RBFOX1: variants seen among roughly 807,000 people sequenced by gnomAD.
The protein encoded by RBFOX1 is RNA binding protein fox-1 homolog 1.
A neutral mutation model predicts 57.7 loss-of-function variants in RBFOX1; 8 were observed. The observed-to-expected ratio is 0.14, with a 90% CI of 0.08 to 0.25. The LOEUF is 0.25. RBFOX1 is among the 10% of genes least tolerant of loss of function. RBFOX1 has a pLI of 1.00. For missense variants in RBFOX1, 611 were observed against 548.5 expected (o/e 1.11, Z -1.14); for synonymous variants, 326 against 222.4 (o/e 1.47, Z -4.15).
intron 4 of RBFOX1, among the ~76,000 whole-genome samples, chr16:7,344,341 C>A (rs1020909472): frequency 6.7e-6 from 1 of 150,026 alleles, no homozygotes; most frequent in South Asian, 2.1e-4. Flanking sequence ...ATAATTGTTA[C>A]ATGATTATTT....
chr16:7,447,753 A>G (rs925117794), intron 4 of RBFOX1, among the ~76,000 whole-genome samples: 1 of 152,236 alleles, frequency 6.6e-6, no homozygotes, highest in African/African-American at 2.4e-5. Context: ...TTAAAAGCCA[A>G]GTCTAGTGAG....
chr16:6,237,036 TAATGCAG>T (rs1311379273), intron 1 of RBFOX1, among the ~76,000 whole-genome samples: 1 of 152,152 alleles, frequency 6.6e-6, no homozygotes, highest in Non-Finnish European at 1.5e-5. Flanking sequence ...AAAGAATGTT[TAATGCAG>T]ATAATTCCTC....
chr16:5,996,262 C>G (rs890604987), intron 4 of RBFOX1, among the ~76,000 whole-genome samples: 4 of 152,122 alleles, frequency 2.6e-5, no homozygotes, highest in African/African-American at 9.7e-5. Context: ...GGAGAACTTT[C>G]TCTACATCCG....
chr16:6,082,453 G>T (rs541450747), intron 1 of RBFOX1, among the ~76,000 whole-genome samples: 1 of 143,424 alleles, frequency 7.0e-6, no homozygotes, highest in Non-Finnish European at 1.5e-5. Flanking sequence ...ACAGGTTTGA[G>T]CCACCGTGCC....
intron 4 of RBFOX1, among the ~76,000 whole-genome samples, chr16:7,090,158 T>C (rs1382480): frequency 0.34 from 51,511 of 152,044 alleles, 9,092 homozygotes; most frequent in South Asian, 0.45. Context: ...CTCAGCTACA[T>C]TGATGTGTGA....
intron 14 of RBFOX1, among the ~76,000 whole-genome samples, chr16:7,705,991 G>A (rs529719281): frequency 1.9e-4 from 29 of 152,260 alleles, no homozygotes; most frequent in Admixed American, 2.6e-4. Flanking sequence ...CTAACATGGC[G>A]ACCGTAAGAC....
At chr16:6,077,962 A>G (rs2095934927) in intron 1 of RBFOX1, among the ~76,000 whole-genome samples, 1 of 152,138 alleles carries the variant, frequency 6.6e-6, no homozygotes, top group African/African-American at 2.4e-5. Context: ...AAATGAGTGA[A>G]GTCTCAGTAA....
At chr16:5,484,249 A>G (rs376182144) in intron 2 of RBFOX1, among the ~76,000 whole-genome samples, 2 of 152,210 alleles carry the variant, frequency 1.3e-5, no homozygotes, top group African/African-American at 4.8e-5. Context: ...CTGCTTCTCA[A>G]TTCACCCATG....
At chr16:6,344,449 G>A (rs530254609) in intron 2 of RBFOX1, among the ~76,000 whole-genome samples, 95 of 124,662 alleles carry the variant, frequency 7.6e-4, no homozygotes, top group African/African-American at 3.0e-3. Context: ...CCAGGCTGGA[G>A]TGCAGTGGCA....
At chr16:7,658,257 C>T (rs1009195849) in intron 12 of RBFOX1, among the ~76,000 whole-genome samples, 4 of 152,128 alleles carry the variant, frequency 2.6e-5, no homozygotes, top group African/African-American at 7.2e-5. Flanking sequence ...TCCCTCTATG[C>T]ATTATTTATC....
At chr16:6,513,254 G>A (rs965715386) in intron 2 of RBFOX1, among the ~76,000 whole-genome samples, 4 of 152,186 alleles carry the variant, frequency 2.6e-5, no homozygotes, top group Non-Finnish European at 5.9e-5. Context: ...TGGGCACTTA[G>A]CACAGTGGTT....
chr16:6,721,930 C>G (rs896972574), intron 3 of RBFOX1: 1 of 153,784 alleles, frequency 6.5e-6, no homozygotes, highest in Non-Finnish European at 1.5e-5. Flanking sequence ...TTCCACATCC[C>G]TGCTCAAAGC....
intron 2 of RBFOX1, among the ~76,000 whole-genome samples, chr16:6,436,388 T>G (rs2094233758): frequency 6.6e-6 from 1 of 152,194 alleles, no homozygotes; most frequent in Admixed American, 6.6e-5. Context: ...AGTCCTGTCC[T>G]GTGCTAGGCT....
At chr16:7,351,392 A>G (rs1603626854) in intron 4 of RBFOX1, among the ~76,000 whole-genome samples, 2 of 152,274 alleles carry the variant, frequency 1.3e-5, no homozygotes, top group Admixed American at 6.5e-5. Flanking sequence ...GCAAGGCACG[A>G]TGGCAAACAT....
intron 4 of RBFOX1, among the ~76,000 whole-genome samples, chr16:7,209,790 C>G (rs560383904): frequency 9.9e-5 from 15 of 152,120 alleles, no homozygotes; most frequent in Non-Finnish European, 1.8e-4. Flanking sequence ...TGTGTTCAGC[C>G]AAATGTTGAA....
chr16:5,759,278 T>C (rs897267428), intron 3 of RBFOX1, among the ~76,000 whole-genome samples: 5 of 152,202 alleles, frequency 3.3e-5, no homozygotes, highest in African/African-American at 1.2e-4. Flanking sequence ...CAGGAAGCCA[T>C]CTCTGGGTAC....
intron 3 of RBFOX1, among the ~76,000 whole-genome samples, chr16:6,789,759 T>C (rs2154246876): frequency 6.6e-6 from 1 of 152,266 alleles, no homozygotes; most frequent in African/African-American, 2.4e-5. Context: ...AGTAGTCTCT[T>C]AGTTTTTTAA....
intron 1 of RBFOX1, among the ~76,000 whole-genome samples, chr16:5,459,665 C>A (rs561123749): frequency 1.4e-4 from 22 of 152,024 alleles, no homozygotes; most frequent in African/African-American, 5.3e-4. Context: ...AAAAGCAAGT[C>A]GGGAAATGAG....
intron 3 of RBFOX1, among the ~76,000 whole-genome samples, chr16:6,788,602 AG>A (rs1043039527): frequency 1.5e-4 from 23 of 151,716 alleles, no homozygotes; most frequent in African/African-American, 5.3e-4. Context: ...CAGCCTCCCG[AG>A]TAGCTGGAAC....
Sources: gnomAD v4.1 joint callset for allele counts (sites outside exome capture counted in the v4.1 genomes callset) on GRCh38, gnomAD v4.1.1 for gene constraint, MANE v1.5 for transcripts, NCBI Gene and HGNC (gene_info 2026-07-23, HGNC 2026-07-21) for gene names.